LYZL4: variants seen among roughly 807,000 people sequenced by gnomAD.
LYZL4 encodes the protein lysozyme like 4, also known as lysozyme-like protein 4.
A neutral mutation model predicts 17.6 loss-of-function variants in LYZL4; 13 were observed. The observed-to-expected ratio is 0.74, with a 90% CI of 0.48 to 1.18. The LOEUF (loss-of-function observed/expected upper bound fraction) is 1.18. LYZL4 is among the 50% of genes most tolerant of loss of function. The probability of loss-of-function intolerance (pLI) is 0.00; values close to 1 mark genes in which losing one functional copy is unlikely to be tolerated. For missense variants in LYZL4, 174 were observed against 188.2 expected (o/e 0.92, Z 0.44); for synonymous variants, 64 against 67.7 (o/e 0.95, Z 0.27).
At chr3:42,392,390 G>A (rs1353357614), downstream of LYZL4, among the ~76,000 whole-genome samples, 1 of 152,168 alleles carries the variant, frequency 6.6e-6, no homozygotes, top group African/African-American at 2.4e-5. Flanking sequence ...GAAGAAGGAG[G>A]TGTGGGAGAG....
chr3:42,372,583 A>C, the LYZL4 span, among the ~76,000 whole-genome samples: 2 of 152,204 alleles, frequency 1.3e-5, no homozygotes, highest in Non-Finnish European at 2.9e-5. Flanking sequence ...TTTAAGAGTC[A>C]GGGTGGAGCA....
chr3:42,367,497 G>T, the LYZL4 span, among the ~76,000 whole-genome samples: 1 of 152,210 alleles, frequency 6.6e-6, no homozygotes, highest in Admixed American at 6.5e-5. Flanking sequence ...GGCCTATCAA[G>T]ACTGGGCTGG....
chr3:42,375,718 G>A, the LYZL4 span, among the ~76,000 whole-genome samples: 2 of 152,268 alleles, frequency 1.3e-5, no homozygotes, highest in South Asian at 4.1e-4. Context: ...AAAGCATGAG[G>A]AATATGCTCA....
the LYZL4 span, among the ~76,000 whole-genome samples, chr3:42,390,703 T>C: frequency 6.6e-6 from 1 of 152,190 alleles, no homozygotes; most frequent in Non-Finnish European, 1.5e-5. Flanking sequence ...ATCCATGGCT[T>C]TACCCATTGT....
chr3:42,365,892 A>G, the LYZL4 span, among the ~76,000 whole-genome samples: 2 of 152,242 alleles, frequency 1.3e-5, no homozygotes, highest in Non-Finnish European at 2.9e-5. Context: ...TGAAATAATG[A>G]CAACTTTTGT....
chr3:42,396,941 A>T, downstream of LYZL4: 1 of 186,624 alleles, frequency 5.4e-6, no homozygotes, highest in East Asian at 1.3e-4. Context: ...TAGTATTGAC[A>T]TTCATGGACA....
chr3:42,390,085 T>A, the LYZL4 span, among the ~76,000 whole-genome samples: 1 of 152,146 alleles, frequency 6.6e-6, no homozygotes, highest in South Asian at 2.1e-4. Flanking sequence ...CAGGTAGAGA[T>A]CTATGCTGAT....
rs147312552 is a variant in LYZL4 at position 42,406,831 on chromosome 3, G to C, written c.292+15C>G. 1.1e-4 allele frequency: 171 copies of C among 1,613,420 alleles called. No homozygotes were observed. The highest frequency in any genetic ancestry group is 6.6e-4 in the Middle Eastern group (4 of 6,062). On this transcript the variant is annotated intron_variant, in intron 3 of 4. Transcript: ENST00000287748. Reference sequence around the variant, plus strand: ...GCCTCCAGTGCCCCCGCACGGAATGGAAAGAGGGACTTACCGGAACATGAC... The same window carrying C: ...GCCTCCAGTGCCCCCGCACGGAATGCAAAGAGGGACTTACCGGAACATGAC...
chr3:42,405,854 G>A (rs1014336279), intron 3 of LYZL4, among the ~76,000 whole-genome samples: 4 of 152,052 alleles, frequency 2.6e-5, no homozygotes, highest in Non-Finnish European at 5.9e-5. Flanking sequence ...TGGGGATAAC[G>A]GTACCCACCT....
the LYZL4 span, among the ~76,000 whole-genome samples, chr3:42,378,138 G>A: frequency 1.3e-5 from 2 of 152,188 alleles, no homozygotes; most frequent in African/African-American, 2.4e-5. Flanking sequence ...CACTTTGGTG[G>A]TGGCAAAGTC....
intron 4 of LYZL4, among the ~76,000 whole-genome samples, chr3:42,398,040 T>G (rs1351646501): frequency 6.6e-6 from 1 of 152,066 alleles, no homozygotes; most frequent in Non-Finnish European, 1.5e-5. Flanking sequence ...TTTCCACGGG[T>G]CTTCCAGGAT....
At chr3:42,373,309 G>C in the LYZL4 span, among the ~76,000 whole-genome samples, 1 of 152,084 alleles carries the variant, frequency 6.6e-6, no homozygotes, top group African/African-American at 2.4e-5. Flanking sequence ...ATGAGGTGAG[G>C]GTCCTGGACA....
chr3:42,402,012 A>T (rs1446368371), intron 4 of LYZL4, among the ~76,000 whole-genome samples: 1 of 152,138 alleles, frequency 6.6e-6, no homozygotes, highest in Non-Finnish European at 1.5e-5. Flanking sequence ...GAAAAAAAGG[A>T]GAATATCCTC....
At chr3:42,407,429 T>C in intron 1 of LYZL4, 86 bp from the exon 2 acceptor site, 1 of 747,326 alleles carries the variant, frequency 1.3e-6, no homozygotes, top group South Asian at 1.9e-5. Flanking sequence ...CTTCCCATCC[T>C]AATTCTCTGC....
chr3:42,366,646 C>T, the LYZL4 span, among the ~76,000 whole-genome samples: 5 of 152,370 alleles, frequency 3.3e-5, no homozygotes, highest in African/African-American at 1.2e-4. Flanking sequence ...CCTTGGTTTT[C>T]AGCAGGCTTT....
chr3:42,380,214 AG>A, the LYZL4 span, among the ~76,000 whole-genome samples: 1 of 152,238 alleles, frequency 6.6e-6, no homozygotes, highest in Admixed American at 6.5e-5. Flanking sequence ...ACCTATGGCT[AG>A]GGGGTCCATG....
rs1318734976 is a variant in LYZL4, at chr3:42,406,931, G to A, written c.207C>T (p.Gly69=). The A allele has an allele frequency of 2.5e-6, 4 of 1,614,228 alleles. No homozygotes were observed. The highest frequency in any genetic ancestry group is 2.2e-5 in the East Asian group (1 of 44,890). The part of the protein sequence containing the change: ...PMAIYENTRE[G]YTGFGLFQMR... ...TCTGAAAGAGGCCAAAGCCAGTGTAGCCCTCACGTGTGTTCTCGTAGATGG... is the reference window on the plus strand; with the variant it reads ...TCTGAAAGAGGCCAAAGCCAGTGTAACCCTCACGTGTGTTCTCGTAGATGG... Residue 69 remains glycine (G), a synonymous_variant, in exon 3 of 5, where the codon GGC becomes GGT. Coordinates refer to ENST00000287748, the MANE Select transcript of LYZL4 (RefSeq NM_144634.4).
the LYZL4 span, among the ~76,000 whole-genome samples, chr3:42,373,972 A>G: frequency 4.6e-5 from 7 of 152,198 alleles, no homozygotes; most frequent in African/African-American, 1.7e-4. Context: ...AAAAAGTAAG[A>G]CCAAAATGCC....
chr3:42,380,211 G>A, the LYZL4 span, among the ~76,000 whole-genome samples: 1 of 152,212 alleles, frequency 6.6e-6, no homozygotes, highest in Non-Finnish European at 1.5e-5. Flanking sequence ...ATCACCTATG[G>A]CTAGGGGGTC....
Sources: gnomAD v4.1 joint callset for allele counts (sites outside exome capture counted in the v4.1 genomes callset) on GRCh38, gnomAD v4.1.1 for gene constraint, MANE v1.5 for transcripts, NCBI Gene and HGNC (gene_info 2026-07-23, HGNC 2026-07-21) for gene names.